Variants in PGLYRP1 observed in about 807,000 individuals in gnomAD.
PGLYRP1 encodes TNF superfamily, member 3 (LTB)-like (peptidoglycan recognition protein).
PGLYRP1 carries 18 observed loss-of-function variants against 16.3 expected under a neutral mutation model. The observed-to-expected ratio is 1.11, with a 90% confidence interval of 0.77 to 1.64. The LOEUF is 1.64. PGLYRP1 is among the 40% of genes most tolerant of loss of function. PGLYRP1 has a pLI of 0.00. For synonymous variants in PGLYRP1, 89 were observed against 105.7 expected, an observed-to-expected ratio of 0.84 and a Z score of 0.97; for missense variants, 261 against 268.6, an observed-to-expected ratio of 0.97 and a Z score of 0.20.
At position 46,022,414 on chromosome 19, in the gene PGLYRP1, G is replaced by C. The variant is rs568380082; in HGVS notation, c.287+321C>G. On this transcript the variant is annotated intron_variant, in intron 1 of 2. Coordinates refer to ENST00000008938, the MANE Select transcript of PGLYRP1 (RefSeq NM_005091.3). ...TTCCGCCTCCTAACAAAGGCACCAGGCATCAGGAAGGGGCGCCTTCATAAG... is the reference window on the plus strand; with the variant it reads ...TTCCGCCTCCTAACAAAGGCACCAGCCATCAGGAAGGGGCGCCTTCATAAG... Among the ~76,000 whole-genome samples, 23 of 152,374 alleles carry C rather than the reference G, an allele frequency of 1.5e-4. No individual in the cohort carries two copies. In the South Asian group the frequency reaches 4.8e-3, roughly 32 times the overall value.
chr19:46,022,446 C>G (rs1025529528), intron 1 of PGLYRP1, among the ~76,000 whole-genome samples: 3 of 152,230 alleles, frequency 2.0e-5, no homozygotes, highest in African/African-American at 7.2e-5. Context: ...TAAGGCGTCG[C>G]GGACACCTTG....
rs753566745 is a variant in PGLYRP1, at chr19:46,022,790, G to A, written c.232C>T (p.Arg78Trp). 14 of 1,614,146 alleles carry A rather than the reference G, an allele frequency of 8.7e-6. No homozygotes were observed. Among genetic ancestry groups the A allele is most frequent in the South Asian group, 5.5e-5 (5 of 91,076 alleles). ...NTPASCQQQA[R>W]NVQHYHMKTL... ...TTCATGTGGTAGTGCTGCACATTCC[G>A]GGCCTGCTGCTGGCACGAGGCGGGG... Residue 78 changes from arginine (R) to tryptophan (W), a missense_variant, in exon 1 of 3, where the codon CGG becomes TGG. Transcript: ENST00000008938.
chr19:46,021,709 G>A (rs2041993), intron 1 of PGLYRP1, among the ~76,000 whole-genome samples: 43,597 of 152,046 alleles, frequency 0.29, 7,607 homozygotes, highest in South Asian at 0.49. Flanking sequence ...CCTGCTCTGC[G>A]GGGGGAAGCC....
Position 46,019,446 on chromosome 19 carries a change from G to C in PGLYRP1, c.410-27C>G, listed in dbSNP as rs199509593. 3.1e-3 allele frequency: 4,949 copies of C among 1,612,378 alleles called. 15 individuals are homozygous for C. The highest frequency in any genetic ancestry group is 4.0e-3 in the Non-Finnish European group (4,680 of 1,179,170). On this transcript the variant is annotated intron_variant, in intron 2 of 2. Coordinates refer to ENST00000008938, the MANE Select transcript of PGLYRP1 (RefSeq NM_005091.3). The surrounding 1 kb of genome is among the most constrained non-coding windows in gnomAD (Gnocchi z 4.8). Reference sequence around the variant, plus strand: ...TGGAGGAGGCAGAGGTAGGAGTCAGGCAGGGGCTTCCCCGAAGGGGAAGTG... The same window carrying C: ...TGGAGGAGGCAGAGGTAGGAGTCAGCCAGGGGCTTCCCCGAAGGGGAAGTG...
intron 1 of PGLYRP1, 140 bp downstream of exon 1, chr19:46,022,595 C>A: frequency 1.1e-6 from 1 of 906,136 alleles, no homozygotes; most frequent in South Asian, 1.6e-5. Context: ...AAGAAATGAC[C>A]TTGTGAGGTT....
chr19:46,021,606 A>ACCTGCTTCAG (rs201095994), intron 1 of PGLYRP1, among the ~76,000 whole-genome samples: 10 of 152,152 alleles, frequency 6.6e-5, no homozygotes, highest in African/African-American at 1.9e-4. Context: ...GTGGCCCCGG[A>ACCTGCTTCAG]CCTGCTTCAG....
chr19:46,019,993 T>A lies in PGLYRP1; in HGVS notation c.288-346A>T, dbSNP rs1342609516. Among the ~76,000 whole-genome samples the A allele has an allele frequency of 6.6e-6, 1 of 152,080 alleles. No individual in the cohort carries two copies. The highest frequency in any genetic ancestry group is 6.6e-5 in the Admixed American group (1 of 15,266). Reference sequence around the variant, plus strand: ...CACAGCTGGGGTTTTTAACCAGGCCTCCATGGTCCCCACCCATGTGATCTT... The same window carrying A: ...CACAGCTGGGGTTTTTAACCAGGCCACCATGGTCCCCACCCATGTGATCTT... On this transcript the variant is annotated intron_variant, in intron 1 of 2. Transcript: ENST00000008938. This position sits in a 1 kb window ranked among gnomAD's most constrained non-coding sequence, Gnocchi z 4.8.
chr19:46,020,923 G>A (rs1969037927), intron 1 of PGLYRP1, among the ~76,000 whole-genome samples: 1 of 152,158 alleles, frequency 6.6e-6, no homozygotes, highest in Non-Finnish European at 1.5e-5. Flanking sequence ...TGGCTGCTGG[G>A]ACTGGCTGGT....
intron 1 of PGLYRP1, among the ~76,000 whole-genome samples, chr19:46,020,751 C>T (rs1260956466): frequency 2.0e-5 from 3 of 152,222 alleles, no homozygotes; most frequent in South Asian, 2.1e-4. Context: ...GCAGTATGTG[C>T]CAACTCAGCC....
At chr19:46,022,092 C>T (rs1568701797) in intron 1 of PGLYRP1, among the ~76,000 whole-genome samples, 1 of 152,252 alleles carries the variant, frequency 6.6e-6, no homozygotes. Flanking sequence ...TTGTTTCTCC[C>T]TGCTGGTCTT....
In PGLYRP1 at chr19:46,020,766, C is replaced by A. The variant is rs569144652; in HGVS notation, c.288-1119G>T. Among the ~76,000 whole-genome samples, 58 of 152,368 alleles carry A rather than the reference C, an allele frequency of 3.8e-4. No homozygotes were observed. In the Middle Eastern group the frequency reaches 0.024, roughly 63 times the overall value. ...GCAGTATGTGCCAACTCAGCCCCCG[C>A]GCTCACAGTGTCATTAATGACGCAC... is the stretch of plus-strand genomic sequence containing the variant. On this transcript the variant is annotated intron_variant, in intron 1 of 2. Coordinates refer to ENST00000008938, the MANE Select transcript of PGLYRP1 (RefSeq NM_005091.3).
rs1969029566 is a variant in PGLYRP1 at position 46,020,180 on chromosome 19, C to T, written c.288-533G>A. Among the ~76,000 whole-genome samples, 3 of 150,668 alleles carry T rather than the reference C, an allele frequency of 2.0e-5. No homozygotes were observed. In the South Asian group the frequency reaches 6.3e-4, roughly 32 times the overall value. ...CTGGAGTGCAGTGGCGTGATCTCAGCTCACCGCAACCTCTGCCTCCTGGGT... is the reference window on the plus strand; with the variant it reads ...CTGGAGTGCAGTGGCGTGATCTCAGTTCACCGCAACCTCTGCCTCCTGGGT... On this transcript the variant is annotated intron_variant, in intron 1 of 2. Transcript: ENST00000008938.
At chr19:46,020,886 G>T (rs1969037619) in intron 1 of PGLYRP1, among the ~76,000 whole-genome samples, 1 of 152,182 alleles carries the variant, frequency 6.6e-6, no homozygotes, top group Non-Finnish European at 1.5e-5. Flanking sequence ...TGCTGGGACT[G>T]GCTGGTTATG....
Position 46,022,786 on chromosome 19 carries a change from T to A in PGLYRP1, c.236A>T (p.Asn79Ile), listed in dbSNP as rs777558337. Residue 79 changes from asparagine (N) to isoleucine (I), a missense_variant, in exon 1 of 3, where the codon AAT becomes ATT. Physicochemically the swap from Asn to Ile is moderately radical, Grantham distance 149. Transcript: ENST00000008938. ...TPASCQQQAR[N>I]VQHYHMKTLG... ...TGTCTTCATGTGGTAGTGCTGCACA[T>A]TCCGGGCCTGCTGCTGGCACGAGGC... is the stretch of plus-strand genomic sequence containing the variant. 1 of 1,614,156 alleles carries A rather than the reference T, an allele frequency of 6.2e-7. No individual in the cohort carries two copies. The highest frequency in any genetic ancestry group is 2.2e-5 in the East Asian group (1 of 44,886).
rs1244014929 is a variant in PGLYRP1, at chr19:46,022,898, G to C, written c.124C>G (p.Leu42Val). Residue 42 changes from leucine to valine, a missense_variant, in exon 1 of 3, where the codon CTG (leucine) becomes GTG (valine). By Grantham distance (32) the Leu-to-Val change is conservative. Coordinates refer to ENST00000008938, the MANE Select transcript of PGLYRP1 (RefSeq NM_005091.3). ...PIVPRNEWKA[L>V]ASECAQHLSL... is the part of the protein sequence containing the mutation. ...AGGTGCTGGGCGCACTCTGATGCCA[G>C]GGCCTTCCACTCGTTCCGGGGCACT... The C allele has an allele frequency of 6.2e-7, 1 of 1,613,248 alleles. No individual in the cohort carries two copies. The highest frequency in any genetic ancestry group is 1.3e-5 in the African/African-American group (1 of 75,062).
chr19:46,019,663 G>T lies in PGLYRP1; in HGVS notation c.288-16C>A, dbSNP rs1204419976. 6.2e-7 allele frequency: 1 copy of T among 1,610,332 alleles called. No homozygotes were observed. On this transcript the variant is annotated splice_polypyrimidine_tract_variant and intron_variant, in intron 1 of 2. Transcript: ENST00000008938. This position sits in a 1 kb window ranked among gnomAD's most constrained non-coding sequence, Gnocchi z 4.8. ...AATCAGGAAGCTGCATGGGGAGGTG[G>T]GGGGGCTTGATGAGTGAGGGAGGGT...
At chr19:46,021,569 AT>A (rs1969044212) in intron 1 of PGLYRP1, among the ~76,000 whole-genome samples, 1 of 152,158 alleles carries the variant, frequency 6.6e-6, no homozygotes, top group South Asian at 2.1e-4. Context: ...ACTGCAGCCC[AT>A]TCTAAGGAGG....
In PGLYRP1 at chr19:46,019,390, C is replaced by T. The variant is rs751862537; in HGVS notation, c.439G>A (p.Ala147Thr). The change falls in exon 3 of 3, where the codon GCA becomes ACA. Residue 147 changes from alanine to threonine, a missense_variant. Transcript: ENST00000008938. This position sits in a 1 kb window ranked among gnomAD's most constrained non-coding sequence, Gnocchi z 4.8. ...CCGCAGGCCAGTAGACCCTGGGCTGCCCGGATGGCCTGGGGTGTGGGCACC... is the reference window on the plus strand; with the variant it reads ...CCGCAGGCCAGTAGACCCTGGGCTGTCCGGATGGCCTGGGGTGTGGGCACC... Reference protein sequence around the residue: ...DRVPTPQAIRAAQGLLACGVA... With the variant: ...DRVPTPQAIRTAQGLLACGVA... 16 of 1,613,540 alleles carry T rather than the reference C, an allele frequency of 9.9e-6. No individual in the cohort carries two copies. In the South Asian group the frequency reaches 1.8e-4, roughly 18 times the overall value.
chr19:46,019,292 T>C lies in PGLYRP1; in HGVS notation c.537A>G (p.Pro179=). 1 of 1,613,874 alleles carries C rather than the reference T, an allele frequency of 6.2e-7. No homozygotes were observed. The highest frequency in any genetic ancestry group is 2.2e-5 in the East Asian group (1 of 44,850). The change falls in exon 3 of 3, where the codon CCA becomes CCG. Residue 179 remains proline (P), a synonymous_variant. Transcript: ENST00000008938. This position sits in a 1 kb window ranked among gnomAD's most constrained non-coding sequence, Gnocchi z 4.8. ...GHRDVQRTLS[P]GNQLYHLIQN... ...GGATGAGGTGGTAGAGCTGGTTGCC[T>C]GGAGAGAGTGTACGCTGCACATCCC...
Sources: allele counts gnomAD v4.1 joint callset (sites outside exome capture counted in the v4.1 genomes callset), GRCh38; gene constraint gnomAD v4.1.1; non-coding constraint Gnocchi (gnomAD v3.1); transcripts MANE v1.5; gene names NCBI Gene and HGNC (gene_info 2026-07-23, HGNC 2026-07-21).